REEP1: variants seen among roughly 807,000 people sequenced by gnomAD.
The protein encoded by REEP1 is receptor accessory protein 1, also known as receptor expression-enhancing protein 1.
A neutral mutation model predicts 40.3 loss-of-function variants in REEP1; 22 were observed. That is an observed-to-expected ratio of 0.55 (90% CI 0.39 to 0.78). REEP1 has a LOEUF of 0.78. REEP1 is among the 30% of genes least tolerant of loss of function. The probability of loss-of-function intolerance (pLI) is 0.00; values close to 1 mark genes in which losing one functional copy is unlikely to be tolerated. For synonymous variants in REEP1, 116 were observed against 139.2 expected (o/e 0.83, Z 1.17); for missense variants, 280 against 361.1 (o/e 0.78, Z 1.82).
At chr2:86,228,405 C>T (rs1487978411) in intron 6 of REEP1, among the ~76,000 whole-genome samples, 1 of 151,944 alleles carries the variant, frequency 6.6e-6, no homozygotes. Flanking sequence ...CATGGATGTC[C>T]CTTCTTGGCT....
intron 2 of REEP1, among the ~76,000 whole-genome samples, chr2:86,280,844 A>G (rs1678042726): frequency 6.6e-6 from 1 of 152,150 alleles, no homozygotes. Flanking sequence ...GTTTCATCAT[A>G]AAGACTTCTT....
chr2:86,277,140 C>T (rs1227681569), intron 2 of REEP1, among the ~76,000 whole-genome samples: 1 of 152,146 alleles, frequency 6.6e-6, no homozygotes, highest in African/African-American at 2.4e-5. Context: ...CTTTGAGGTG[C>T]TAACTGATCC....
chr2:86,289,145 G>T (rs1678564631), intron 1 of REEP1, among the ~76,000 whole-genome samples: 2 of 151,794 alleles, frequency 1.3e-5, no homozygotes, highest in Non-Finnish European at 1.5e-5. Context: ...AGAAAATCCT[G>T]GTCACGTATA....
chr2:86,232,563 G>A lies in REEP1; in HGVS notation c.595+62C>T, dbSNP rs151059099. 2.6e-3 allele frequency: 4,134 copies of A among 1,577,580 alleles called. 88 individuals are homozygous for A. The African/African-American group carries it at 0.047, about 18-fold the overall frequency. Reference sequence around the variant, plus strand: ...GGCTGCATGCCACACTGCGGACTGGGCCTCTCTCAATGAAAGCGAGGCCCA... The same window carrying A: ...GGCTGCATGCCACACTGCGGACTGGACCTCTCTCAATGAAAGCGAGGCCCA... On this transcript the variant is annotated intron_variant, in intron 6 of 8. Transcript: ENST00000538924.
At chr2:86,257,876 T>C (rs1186518613) in intron 3 of REEP1, among the ~76,000 whole-genome samples, 1 of 152,146 alleles carries the variant, frequency 6.6e-6, no homozygotes, top group Admixed American at 6.5e-5. Context: ...TGACCTCAGG[T>C]GATCCGCCCG....
intron 2 of REEP1, among the ~76,000 whole-genome samples, chr2:86,264,322 A>G (rs575026734): frequency 1.1e-4 from 17 of 152,288 alleles, no homozygotes; most frequent in Admixed American, 3.3e-4. Context: ...CCAGGATTCA[A>G]TCAGGTCATT....
At chr2:86,326,985 C>A (rs1373886914) in intron 1 of REEP1, among the ~76,000 whole-genome samples, 1 of 152,200 alleles carries the variant, frequency 6.6e-6, no homozygotes, top group African/African-American at 2.4e-5. Context: ...CCTAGCCAAT[C>A]GGGCTAGTGA....
At chr2:86,261,338 T>A (rs1291701793) in intron 3 of REEP1, among the ~76,000 whole-genome samples, 1 of 152,204 alleles carries the variant, frequency 6.6e-6, no homozygotes, top group African/African-American at 2.4e-5. Context: ...TTACTGTGTC[T>A]GTGTAGAAAG....
rs1674110321 is a variant in REEP1 at position 86,216,310 on chromosome 2, C to T, written c.*729G>A. ...TCTTCTCTTTTACTGGGATGTTCCC[C>T]TGACCTCTCATCACACTTTACTGTG... On this transcript the variant is annotated 3_prime_UTR_variant, in exon 9 of 9. Transcript: ENST00000538924. The T allele has an allele frequency of 6.6e-6, 1 of 152,206 alleles. No homozygotes were observed. The highest frequency in any genetic ancestry group is 1.5e-5 in the Non-Finnish European group (1 of 68,036). The allele number at this position is 152,206 out of a possible 1,614,324, so 9.4% of individuals were successfully genotyped here. A position where few individuals can be genotyped will look rare whatever the true frequency, so the allele number is the denominator to read the frequency against.
chr2:86,276,026 T>C (rs1325462469), intron 2 of REEP1, among the ~76,000 whole-genome samples: 2 of 152,198 alleles, frequency 1.3e-5, no homozygotes, highest in Non-Finnish European at 2.9e-5. Context: ...GTGCATGAGA[T>C]GGCCAGGTCT....
chr2:86,245,537 C>T (rs1452593136), intron 5 of REEP1, among the ~76,000 whole-genome samples: 1 of 152,180 alleles, frequency 6.6e-6, no homozygotes, highest in Non-Finnish European at 1.5e-5. Context: ...CGCACTGCCT[C>T]CTTTTCACTG....
In REEP1 at chr2:86,219,993, G is replaced by C. The variant is rs189625731; in HGVS notation, c.760C>G (p.Arg254Gly). Residue 254 changes from arginine (R) to glycine (G), a missense_variant, in exon 8 of 9, where the codon CGA (arginine) becomes GGA (glycine). This residue lies in a region of REEP1 where 201 missense variants were observed against 238.5 expected (regional missense o/e 0.84). Transcript: ENST00000538924. Reference protein sequence around the residue: ...LDFMYKYKAPRRMELPLEAPP... With the variant: ...LDFMYKYKAPGRMELPLEAPP... ...ACCTCCAGGGGCAATTCCATCCTTC[G>C]AGGTGCTTTATACTTGTACATGAAA... 4.1e-6 allele frequency: 5 copies of C among 1,232,042 alleles called. No homozygotes were observed. The South Asian group carries it at 2.1e-4, about 51-fold the overall frequency. The allele number at this position is 1,232,042 out of a possible 1,614,324, so 76.3% of individuals were successfully genotyped here. A position where few individuals can be genotyped will look rare whatever the true frequency, so the allele number is the denominator to read the frequency against.
At chr2:86,239,587 C>T (rs1675563046) in intron 5 of REEP1, among the ~76,000 whole-genome samples, 2 of 152,190 alleles carry the variant, frequency 1.3e-5, no homozygotes, top group Non-Finnish European at 2.9e-5. Flanking sequence ...GAGTGAGCCT[C>T]CACAGCCATA....
In REEP1 at chr2:86,254,769, C is replaced by A. The variant is rs746247471; in HGVS notation, c.228G>T (p.Leu76=). The stretch of plus-strand genomic sequence containing the variant: ...TGGAGCCTTTTGTGTAGGGAGACAG[C>A]AGCCAGGCTACAAATGCTATTTTTA... ...YELKIAFVAW[L]LSPYTKGSSL... The change falls in exon 4 of 9, where the codon CTG becomes CTT. Residue 76 remains leucine (L), a synonymous_variant. Coordinates refer to ENST00000538924, the MANE Select transcript of REEP1 (RefSeq NM_001371279.1). 1.9e-6 allele frequency: 3 copies of A among 1,613,786 alleles called. No homozygotes were observed. Among genetic ancestry groups the A allele is most frequent in the Middle Eastern group, 1.7e-4 (1 of 6,060 alleles).
At position 86,219,969 on chromosome 2, in the gene REEP1, C is replaced by A. The variant is rs1674330177; in HGVS notation, c.783+1G>T. The A allele has an allele frequency of 8.1e-7, 1 of 1,232,162 alleles. No homozygotes were observed. The highest frequency in any genetic ancestry group is 4.1e-5 in the South Asian group (1 of 24,320). 76.3% of individuals were successfully genotyped at this position (1,232,162 alleles called of 1,614,324 possible). On this transcript the variant is annotated splice_donor_variant, in intron 8 of 8. Coordinates refer to ENST00000538924, the MANE Select transcript of REEP1 (RefSeq NM_001371279.1). LOFTEE classifies it high-confidence loss of function. Reference sequence around the variant, plus strand: ...AACCCACAGCCCCAGACACTGTGTACCTCCAGGGGCAATTCCATCCTTCGA... The same window carrying A: ...AACCCACAGCCCCAGACACTGTGTAACTCCAGGGGCAATTCCATCCTTCGA...
intron 6 of REEP1, among the ~76,000 whole-genome samples, chr2:86,230,806 G>T (rs1156748936): frequency 6.6e-6 from 1 of 152,204 alleles, no homozygotes; most frequent in Non-Finnish European, 1.5e-5. Context: ...GCTCGCCCGG[G>T]TCATGCGGCG....
At chr2:86,291,364 AC>A (rs1286942389) in intron 1 of REEP1, among the ~76,000 whole-genome samples, 1 of 152,182 alleles carries the variant, frequency 6.6e-6, no homozygotes, top group East Asian at 1.9e-4. Flanking sequence ...TAAACTGTTC[AC>A]ATAAACGAGG....
intron 1 of REEP1, among the ~76,000 whole-genome samples, chr2:86,317,323 C>T (rs1573042112): frequency 6.6e-6 from 1 of 152,050 alleles, no homozygotes; most frequent in Non-Finnish European, 1.5e-5. Context: ...TGAGTATGGA[C>T]CTCATGCTGG....
intron 1 of REEP1, among the ~76,000 whole-genome samples, chr2:86,290,598 G>A (rs1184772285): frequency 6.6e-6 from 1 of 152,202 alleles, no homozygotes; most frequent in Non-Finnish European, 1.5e-5. Context: ...AGGTCCATGT[G>A]TGGCAAAACA....
Sources: allele counts gnomAD v4.1 joint callset (sites outside exome capture counted in the v4.1 genomes callset), GRCh38; gene constraint gnomAD v4.1.1; regional missense constraint gnomAD v4.1.1; transcripts MANE v1.5; gene names NCBI Gene and HGNC (gene_info 2026-07-23, HGNC 2026-07-21).